PAK5: variants seen among roughly 807,000 people sequenced by gnomAD.
PAK5 encodes the protein p21 (RAC1) activated kinase 5, also known as serine/threonine-protein kinase PAK 5.
Under a neutral mutation model 65.9 loss-of-function variants are expected in PAK5, and 16 were observed. The ratio of observed to expected loss-of-function variants is 0.24; its 90% CI spans 0.16 to 0.37. The LOEUF is 0.37. PAK5 is among the 10% of genes least tolerant of loss of function. The probability of loss-of-function intolerance (pLI) is 1.00; values close to 1 mark genes in which losing one functional copy is unlikely to be tolerated. For synonymous variants in PAK5, 371 were observed against 354.9 expected (o/e 1.05, Z -0.51); for missense variants, 785 against 903.9 (o/e 0.87, Z 1.69).
chr20:9,677,133 GT>G (rs1418451408), intron 2 of PAK5, among the ~76,000 whole-genome samples: 1 of 151,384 alleles, frequency 6.6e-6, no homozygotes, highest in Non-Finnish European at 1.5e-5. Flanking sequence ...GGAAAGGAAT[GT>G]CTTTTTTAAA....
intron 1 of PAK5, among the ~76,000 whole-genome samples, chr20:9,731,313 T>C (rs1439704373): frequency 2.6e-5 from 4 of 152,240 alleles, no homozygotes; most frequent in African/African-American, 9.6e-5. Flanking sequence ...ATTTTAATAA[T>C]GCATTTTATT....
chr20:9,645,438 T>C (rs923686713), intron 2 of PAK5, among the ~76,000 whole-genome samples: 1 of 152,230 alleles, frequency 6.6e-6, no homozygotes, highest in Non-Finnish European at 1.5e-5. Flanking sequence ...CATCTACTCA[T>C]CTGTGAATAG....
At chr20:9,818,388 T>C (rs1301578061) in intron 1 of PAK5, among the ~76,000 whole-genome samples, 1 of 152,212 alleles carries the variant, frequency 6.6e-6, no homozygotes, top group Non-Finnish European at 1.5e-5. Flanking sequence ...GCTCCATCTC[T>C]GTCCCTCACT....
At chr20:9,629,644 G>C (rs1389060631) in intron 3 of PAK5, among the ~76,000 whole-genome samples, 1 of 152,112 alleles carries the variant, frequency 6.6e-6, no homozygotes, top group Admixed American at 6.5e-5. Context: ...TTTTATAAAG[G>C]CACCAGCCCT....
At chr20:9,764,500 T>C (rs1453008659) in intron 1 of PAK5, among the ~76,000 whole-genome samples, 12 of 152,312 alleles carry the variant, frequency 7.9e-5, no homozygotes, top group East Asian at 3.9e-4. Flanking sequence ...TTGAAGCCTA[T>C]GCAAATATTC....
intron 1 of PAK5, among the ~76,000 whole-genome samples, chr20:9,777,732 A>T (rs1409910675): frequency 6.6e-6 from 1 of 152,186 alleles, no homozygotes; most frequent in Non-Finnish European, 1.5e-5. Context: ...TAGAAAGGAG[A>T]ACAAAACTAG....
At chr20:9,766,186 T>C (rs1371953178) in intron 1 of PAK5, among the ~76,000 whole-genome samples, 6 of 149,464 alleles carry the variant, frequency 4.0e-5, no homozygotes, top group Non-Finnish European at 7.4e-5. Flanking sequence ...TGCGCCACTA[T>C]ACTCCAGCCT....
chr20:9,633,438 T>G (rs1370030580), intron 3 of PAK5, among the ~76,000 whole-genome samples: 6 of 152,194 alleles, frequency 3.9e-5, no homozygotes. Flanking sequence ...TTTGCACTAA[T>G]CAATCATACT....
At chr20:9,724,839 A>G (rs1228540726) in intron 1 of PAK5, among the ~76,000 whole-genome samples, 1 of 152,176 alleles carries the variant, frequency 6.6e-6, no homozygotes, top group Non-Finnish European at 1.5e-5. Flanking sequence ...TTGCTAGCAC[A>G]GTAGCATAAT....
chr20:9,759,348 CTGTT>C (rs756733258), intron 1 of PAK5, among the ~76,000 whole-genome samples: 1 of 152,134 alleles, frequency 6.6e-6, no homozygotes, highest in African/African-American at 2.4e-5. Flanking sequence ...AAGTGTTCCT[CTGTT>C]TGCATTATGG....
At chr20:9,757,108 TA>T (rs1202744674) in intron 1 of PAK5, among the ~76,000 whole-genome samples, 1 of 152,182 alleles carries the variant, frequency 6.6e-6, no homozygotes, top group Non-Finnish European at 1.5e-5. Flanking sequence ...ATTCTTTCCC[TA>T]CCCTGTCTCA....
At chr20:9,830,089 G>T (rs763048135) in intron 1 of PAK5, among the ~76,000 whole-genome samples, 1 of 152,170 alleles carries the variant, frequency 6.6e-6, no homozygotes, top group African/African-American at 2.4e-5. Flanking sequence ...GAGCTCAAGG[G>T]GTCTTTGTTG....
At chr20:9,810,851 A>G (rs976463618) in intron 1 of PAK5, among the ~76,000 whole-genome samples, 1 of 152,220 alleles carries the variant, frequency 6.6e-6, no homozygotes, top group African/African-American at 2.4e-5. Context: ...ACACATACAC[A>G]TAGACACATA....
At chr20:9,757,628 C>T (rs561331926) in intron 1 of PAK5, among the ~76,000 whole-genome samples, 15 of 152,184 alleles carry the variant, frequency 9.9e-5, no homozygotes, top group Non-Finnish European at 1.5e-4. Flanking sequence ...GACTTGAATC[C>T]TTAGGTCAAG....
chr20:9,764,854 T>C (rs2048739355), intron 1 of PAK5, among the ~76,000 whole-genome samples: 1 of 152,170 alleles, frequency 6.6e-6, no homozygotes, highest in South Asian at 2.1e-4. Context: ...CATTTTAGGA[T>C]CTTTAAAAAA....
At chr20:9,791,422 C>G (rs1268799358) in intron 1 of PAK5, among the ~76,000 whole-genome samples, 8 of 152,106 alleles carry the variant, frequency 5.3e-5, no homozygotes, top group Admixed American at 5.2e-4. Flanking sequence ...TCCTGCCTTT[C>G]TGACAAGTGC....
chr20:9,675,939 T>C (rs947298110), intron 2 of PAK5, among the ~76,000 whole-genome samples: 1 of 152,158 alleles, frequency 6.6e-6, no homozygotes, highest in African/African-American at 2.4e-5. Context: ...ATTGGTAAAG[T>C]AAGGCAACAA....
chr20:9,556,305 G>A (rs2045505730), intron 7 of PAK5, among the ~76,000 whole-genome samples: 1 of 152,224 alleles, frequency 6.6e-6, no homozygotes, highest in Non-Finnish European at 1.5e-5. Context: ...GGGATTAGGA[G>A]TGATCTTTGT....
At chr20:9,703,253 AGT>A (rs367899973) in intron 2 of PAK5, among the ~76,000 whole-genome samples, 2 of 152,198 alleles carry the variant, frequency 1.3e-5, no homozygotes, top group African/African-American at 4.8e-5. Flanking sequence ...CTTATGAGTG[AGT>A]GTCTCTATAT....
Sources: allele counts gnomAD v4.1 joint callset (sites outside exome capture counted in the v4.1 genomes callset), GRCh38; gene constraint gnomAD v4.1.1; transcripts MANE v1.5; gene names NCBI Gene and HGNC (gene_info 2026-07-23, HGNC 2026-07-21).